The following NRXN1 variants were observed in gnomAD, a reference collection of about 807,000 sequenced individuals.
The protein encoded by NRXN1 is neurexin-1.
Under a neutral mutation model 150.9 loss-of-function variants are expected in NRXN1, and 39 were observed. The observed-to-expected ratio is 0.26, with a 90% CI of 0.20 to 0.34. NRXN1 has a LOEUF of 0.34. NRXN1 is among the 10% of genes least tolerant of loss of function. The pLI, the probability that NRXN1 is intolerant of heterozygous loss-of-function variation, is 1.00. For synonymous variants in NRXN1, 924 were observed against 757.0 expected, an observed-to-expected ratio of 1.22 and a Z score of -3.62; for missense variants, 1,815 against 1,949.9, an observed-to-expected ratio of 0.93 and a Z score of 1.30.
chr2:50,015,611 A>T (rs1686460216), intron 21 of NRXN1, among the ~76,000 whole-genome samples: 1 of 150,478 alleles, frequency 6.6e-6, no homozygotes, highest in Non-Finnish European at 1.5e-5. Context: ...TCTGTATAAT[A>T]TTATGACAGG....
chr2:49,921,870 G>GTAAA lies in NRXN1; in HGVS notation c.*70_*73dup. ...TTGTATGTGCTTCATAAAAAGGAAA[G>GTAAA]TAAATAAGTTTATATTATGTCTCAG... On this transcript the variant is annotated 3_prime_UTR_variant, in exon 23 of 23. Transcript: ENST00000401669. 6.8e-6 allele frequency: 10 copies of GTAAA among 1,463,022 alleles called. No individual in the cohort carries two copies. The highest frequency in any genetic ancestry group is 6.0e-5 in the South Asian group (5 of 83,442). The allele number at this position is 1,463,022 out of a possible 1,614,324, so 90.6% of individuals were successfully genotyped here. A position where few individuals can be genotyped will look rare whatever the true frequency, so the allele number is the denominator to read the frequency against.
At chr2:50,811,141 G>A (rs953032882) in intron 5 of NRXN1, among the ~76,000 whole-genome samples, 3 of 152,108 alleles carry the variant, frequency 2.0e-5, no homozygotes. Context: ...AAAGTATGGT[G>A]TTTTTGCCTT....
At chr2:50,797,719 C>T (rs1411698708) in intron 5 of NRXN1, among the ~76,000 whole-genome samples, 2 of 152,124 alleles carry the variant, frequency 1.3e-5, no homozygotes, top group African/African-American at 4.8e-5. Flanking sequence ...ATGCAAGGTA[C>T]CTATTTCAAT....
chr2:50,848,369 C>T (rs1383942728), intron 5 of NRXN1, among the ~76,000 whole-genome samples: 2 of 152,082 alleles, frequency 1.3e-5, no homozygotes, highest in Non-Finnish European at 2.9e-5. Flanking sequence ...TCTATGCTCC[C>T]TAGGAAAGTT....
intron 17 of NRXN1, among the ~76,000 whole-genome samples, chr2:50,377,232 C>T (rs555451330): frequency 4.6e-5 from 7 of 152,224 alleles, no homozygotes; most frequent in African/African-American, 9.6e-5. Context: ...AGCTATTTAT[C>T]GTGATGCTCT....
intron 17 of NRXN1, among the ~76,000 whole-genome samples, chr2:50,278,317 T>TATA (rs747246111): frequency 1.4e-4 from 17 of 124,086 alleles, no homozygotes; most frequent in Middle Eastern, 3.8e-3. Context: ...TATATATATA[T>TATA]TATATATATA....
At chr2:50,238,178 A>T (rs370196265) in intron 17 of NRXN1, among the ~76,000 whole-genome samples, 1 of 152,060 alleles carries the variant, frequency 6.6e-6, no homozygotes, top group Non-Finnish European at 1.5e-5. Context: ...ACCTCAATGC[A>T]TCATTCATTG....
intron 17 of NRXN1, among the ~76,000 whole-genome samples, chr2:50,333,691 T>A (rs1049674367): frequency 6.6e-6 from 1 of 151,862 alleles, no homozygotes; most frequent in Non-Finnish European, 1.5e-5. Flanking sequence ...CAGAATGGAT[T>A]TGACGGCCTC....
intron 8 of NRXN1, among the ~76,000 whole-genome samples, chr2:50,570,811 A>G (rs1670557997): frequency 6.6e-6 from 1 of 152,178 alleles, no homozygotes; most frequent in Admixed American, 6.6e-5. Flanking sequence ...AAGTGCTGCT[A>G]CAGACTGTAG....
At chr2:50,128,100 A>C (rs377670208) in intron 18 of NRXN1, among the ~76,000 whole-genome samples, 1 of 152,244 alleles carries the variant, frequency 6.6e-6, no homozygotes, top group Non-Finnish European at 1.5e-5. Flanking sequence ...AAGATACGAT[A>C]GCTACCAGGT....
At chr2:50,680,968 T>C (rs1690292506) in intron 5 of NRXN1, among the ~76,000 whole-genome samples, 1 of 152,070 alleles carries the variant, frequency 6.6e-6, no homozygotes, top group Non-Finnish European at 1.5e-5. Context: ...ACAATAATAA[T>C]AGTTAACTTA....
At chr2:50,743,964 C>G (rs951710142) in intron 5 of NRXN1, among the ~76,000 whole-genome samples, 2 of 152,094 alleles carry the variant, frequency 1.3e-5, no homozygotes, top group African/African-American at 4.8e-5. Flanking sequence ...CCAAGATTGC[C>G]CTCAAACCAG....
At chr2:50,885,546 A>C (rs919960693) in intron 5 of NRXN1, among the ~76,000 whole-genome samples, 3 of 151,338 alleles carry the variant, frequency 2.0e-5, no homozygotes, top group African/African-American at 4.8e-5. Flanking sequence ...TTCCAAAATG[A>C]AATTTTCTTG....
At chr2:50,144,887 G>C (rs1278653410) in intron 18 of NRXN1, among the ~76,000 whole-genome samples, 1 of 151,490 alleles carries the variant, frequency 6.6e-6, no homozygotes. Context: ...AAGGTGTCTA[G>C]GGGTTGACAT....
At chr2:50,154,155 G>C (rs943727397) in intron 18 of NRXN1, among the ~76,000 whole-genome samples, 5 of 151,394 alleles carry the variant, frequency 3.3e-5, no homozygotes, top group African/African-American at 1.2e-4. Context: ...CCTTTTTTTA[G>C]ATCTTCCCAG....
chr2:50,531,789 G>C (rs756244569), intron 10 of NRXN1, among the ~76,000 whole-genome samples: 1 of 152,090 alleles, frequency 6.6e-6, no homozygotes, highest in East Asian at 1.9e-4. Flanking sequence ...CACAGTGTGA[G>C]CCTAGTTTGA....
intron 5 of NRXN1, among the ~76,000 whole-genome samples, chr2:50,767,278 T>C (rs546061541): frequency 3.3e-5 from 5 of 152,242 alleles, no homozygotes; most frequent in African/African-American, 4.8e-5. Flanking sequence ...ATTTATACAA[T>C]AATATATCTT....
At chr2:50,375,021 C>T (rs892407525) in intron 17 of NRXN1, among the ~76,000 whole-genome samples, 1 of 152,070 alleles carries the variant, frequency 6.6e-6, no homozygotes, top group Non-Finnish European at 1.5e-5. Context: ...GCTGTTGACA[C>T]CAGTGCCCTA....
At chr2:50,111,824 C>A (rs1224831998) in intron 18 of NRXN1, among the ~76,000 whole-genome samples, 1 of 152,112 alleles carries the variant, frequency 6.6e-6, no homozygotes, top group Admixed American at 6.6e-5. Context: ...ACTATCAATC[C>A]TTAAAGTTTT....
Sources: allele counts gnomAD v4.1 joint callset (sites outside exome capture counted in the v4.1 genomes callset), GRCh38; gene constraint gnomAD v4.1.1; transcripts MANE v1.5; gene names NCBI Gene and HGNC (gene_info 2026-07-23, HGNC 2026-07-21).